FUBP3: variants seen among roughly 807,000 people sequenced by gnomAD.
The protein encoded by FUBP3 is far upstream element binding protein 3.
A neutral mutation model predicts 85.6 loss-of-function variants in FUBP3; 28 were observed. That is an observed-to-expected ratio of 0.33 (90% CI 0.24 to 0.45). FUBP3 has a LOEUF of 0.45. Ranked by LOEUF, FUBP3 falls within the 20% of genes least tolerant of loss-of-function variation. FUBP3 has a pLI of 1.00. For synonymous variants in FUBP3, 271 were observed against 271.4 expected (o/e 1.00, Z 0.01); for missense variants, 583 against 755.1 (o/e 0.77, Z 2.67).
intron 1 of FUBP3, chr9:130,581,422 G>C (rs1186614826): frequency 2.0e-5 from 3 of 152,152 alleles, no homozygotes; most frequent in Non-Finnish European, 1.5e-5. Flanking sequence ...ATGGAGACAG[G>C]GCTGTAAGTG....
chr9:130,628,444 A>G (rs1830081011), intron 12 of FUBP3, among the ~76,000 whole-genome samples: 1 of 152,190 alleles, frequency 6.6e-6, no homozygotes, highest in East Asian at 1.9e-4. Context: ...GGGCTGCTGA[A>G]TGAGTCTATA....
chr9:130,582,150 G>A (rs979766469), intron 1 of FUBP3: 2 of 152,186 alleles, frequency 1.3e-5, no homozygotes, highest in African/African-American at 2.4e-5. Flanking sequence ...ATTCTATAGG[G>A]TAGTAGAAAT....
intron 6 of FUBP3, among the ~76,000 whole-genome samples, chr9:130,615,636 A>C (rs1413612996): frequency 1.3e-5 from 2 of 152,230 alleles, no homozygotes; most frequent in Non-Finnish European, 2.9e-5. Flanking sequence ...ACAACATTGC[A>C]GTTGCCCTCT....
chr9:130,630,283 G>T (rs1830159471), intron 12 of FUBP3, among the ~76,000 whole-genome samples: 1 of 152,198 alleles, frequency 6.6e-6, no homozygotes, highest in African/African-American at 2.4e-5. Flanking sequence ...CCCACAGCTG[G>T]CCCCCAAGGG....
At position 130,627,813 on chromosome 9, in the gene FUBP3, C is replaced by T. The variant is rs140886187; in HGVS notation, c.1117+1308C>T. On this transcript the variant is annotated intron_variant, in intron 12 of 18. Coordinates refer to ENST00000319725, the MANE Select transcript of FUBP3 (RefSeq NM_003934.2). ...GGCCTTTTGCAAACTATTTTGTCGG[C>T]GAAGTTTTCATTTGCTTGTGTCTCT... is the stretch of plus-strand genomic sequence containing the variant. Among the ~76,000 whole-genome samples, 570 of 152,246 alleles carry T rather than the reference C, an allele frequency of 3.7e-3. 6 individuals are homozygous for T. Among genetic ancestry groups the T allele is most frequent in the African/African-American group, 0.013 (527 of 41,510 alleles).
At chr9:130,627,054 C>T (rs1398514623) in intron 12 of FUBP3, among the ~76,000 whole-genome samples, 1 of 152,180 alleles carries the variant, frequency 6.6e-6, no homozygotes, top group African/African-American at 2.4e-5. Flanking sequence ...TTTTTCTGGG[C>T]ATTTTGGAGA....
intron 14 of FUBP3, 105 bp from the exon 15 acceptor site, chr9:130,631,837 G>A (rs1830222969): frequency 9.9e-6 from 9 of 907,632 alleles, no homozygotes; most frequent in Non-Finnish European, 1.5e-5. Context: ...AGAGGGCAGA[G>A]GGTCTTCTGT....
At chr9:130,620,926 T>A (rs1829719251) in intron 9 of FUBP3, among the ~76,000 whole-genome samples, 1 of 152,148 alleles carries the variant, frequency 6.6e-6, no homozygotes, top group Admixed American at 6.5e-5. Flanking sequence ...ATTCCACTTA[T>A]CTGAGGCACC....
rs373474337 is a variant in FUBP3 at position 130,592,844 on chromosome 9, C to T, written c.85-2639C>T. Among the ~76,000 whole-genome samples, 6 of 152,276 alleles carry T rather than the reference C, an allele frequency of 3.9e-5. No homozygotes were observed. In the East Asian group the frequency reaches 9.6e-4, roughly 24 times the overall value. On this transcript the variant is annotated intron_variant, in intron 1 of 18. Coordinates refer to ENST00000319725, the MANE Select transcript of FUBP3 (RefSeq NM_003934.2). ...CCTTTGCTAGCCACCATGCTTTTGGCTGGGGTGTTTTAGAAGCAGAAATCA... is the reference window on the plus strand; with the variant it reads ...CCTTTGCTAGCCACCATGCTTTTGGTTGGGGTGTTTTAGAAGCAGAAATCA...
In FUBP3 at chr9:130,601,801, ATTTT is replaced by A. The variant is rs113638192; in HGVS notation, c.190+6228_190+6231del. On this transcript the variant is annotated intron_variant, in intron 2 of 18. Transcript: ENST00000319725. ...ATGGAAATTTTAGAAATAATTCCTAATTTTTTTTTTTTTTTTTTGAGATGGAGTC... is the reference window on the plus strand; with the variant it reads ...ATGGAAATTTTAGAAATAATTCCTAATTTTTTTTTTTTTTGAGATGGAGTC... Among the ~76,000 whole-genome samples, 149 of 117,376 alleles carry A rather than the reference ATTTT, an allele frequency of 1.3e-3. 2 individuals carry two copies. The highest frequency in any genetic ancestry group is 4.8e-3 in the African/African-American group (146 of 30,570). 77.0% of individuals were successfully genotyped at this position (117,376 alleles called of 152,430 possible). A position where few individuals can be genotyped will look rare whatever the true frequency, so the allele number is the denominator to read the frequency against.
At position 130,635,824 on chromosome 9, in the gene FUBP3, T is replaced by C; in HGVS notation, c.1583-175T>C. On this transcript the variant is annotated intron_variant, in intron 17 of 18. Transcript: ENST00000319725. The surrounding 1 kb of genome is among the most constrained non-coding windows in gnomAD (Gnocchi z 4.3). ...TAGCAGGGGCCGGGCAACAAGAGGC[T>C]AACAGCACCTTTTGTAGCAAGCGCT... 1.6e-6 allele frequency: 1 copy of C among 635,914 alleles called. No individual in the cohort carries two copies. The allele number at this position is 635,914 out of a possible 1,614,324, so 39.4% of individuals were successfully genotyped here. A position where few individuals can be genotyped will look rare whatever the true frequency, so the allele number is the denominator to read the frequency against.
intron 3 of FUBP3, 118 bp downstream of exon 3, chr9:130,610,105 GCTT>G: frequency 1.2e-6 from 1 of 822,344 alleles, no homozygotes; most frequent in South Asian, 1.5e-5. Context: ...CATGGGTTAG[GCTT>G]CTTTAAGACT....
chr9:130,580,206 G>A (rs1830075479), intron 1 of FUBP3, among the ~76,000 whole-genome samples: 1 of 152,220 alleles, frequency 6.6e-6, no homozygotes, highest in Admixed American at 6.5e-5. Context: ...TTGAGTAGAA[G>A]GAACTCGAGG....
At chr9:130,632,086 C>T in intron 15 of FUBP3, 64 bp downstream of exon 15, 11 of 1,490,148 alleles carry the variant, frequency 7.4e-6, no homozygotes, top group South Asian at 4.5e-5. Context: ...TGGCTATTGC[C>T]GACAGGCAAG....
At chr9:130,593,305 C>A (rs1252274927) in intron 1 of FUBP3, among the ~76,000 whole-genome samples, 1 of 152,192 alleles carries the variant, frequency 6.6e-6, no homozygotes, top group Admixed American at 6.5e-5. Context: ...CAGCTGCTGA[C>A]TCTTAAGTGC....
intron 2 of FUBP3, among the ~76,000 whole-genome samples, chr9:130,603,324 G>A (rs1306523289): frequency 2.2e-5 from 3 of 135,422 alleles, no homozygotes; most frequent in Non-Finnish European, 4.5e-5. Context: ...TCCAGCCTGG[G>A]CGACAGAGCA....
chr9:130,631,850 C>T (rs1463425073), intron 14 of FUBP3, 92 bp from the exon 15 acceptor site: 4 of 990,712 alleles, frequency 4.0e-6, no homozygotes, highest in South Asian at 2.8e-5. Context: ...TCTTCTGTCC[C>T]GACTGCCCCC....
At chr9:130,584,501 C>G (rs1830262397) in intron 1 of FUBP3, among the ~76,000 whole-genome samples, 1 of 151,368 alleles carries the variant, frequency 6.6e-6, no homozygotes, top group South Asian at 2.1e-4. Flanking sequence ...GCATTCAAGC[C>G]TGAGTGAAAA....
rs148101231 is a variant in FUBP3, at chr9:130,603,981, C to G, written c.191-5973C>G. Among the ~76,000 whole-genome samples, 260 of 152,300 alleles carry G rather than the reference C, an allele frequency of 1.7e-3. No individual in the cohort carries two copies. In the East Asian group the frequency reaches 0.025, roughly 14 times the overall value. On this transcript the variant is annotated intron_variant, in intron 2 of 18. Coordinates refer to ENST00000319725, the MANE Select transcript of FUBP3 (RefSeq NM_003934.2). ...ATTCATAATAGTCCCAAACTGAAAA[C>G]AGCCCACGTGTCCTTCAACTGATGA...
Sources: gnomAD v4.1 joint callset for allele counts (sites outside exome capture counted in the v4.1 genomes callset) on GRCh38, gnomAD v4.1.1 for gene constraint, Gnocchi (gnomAD v3.1) non-coding constraint, MANE v1.5 for transcripts, NCBI Gene and HGNC (gene_info 2026-07-23, HGNC 2026-07-21) for gene names.